The following PLCB4 variants were observed in gnomAD, a reference collection of about 807,000 sequenced individuals.
PLCB4 encodes 1-phosphatidylinositol 4,5-bisphosphate phosphodiesterase beta-4.
Under a neutral mutation model 178.8 loss-of-function variants are expected in PLCB4, and 77 were observed. The observed-to-expected ratio is 0.43, with a 90% CI of 0.36 to 0.52. The LOEUF is 0.52. Among genes scored for constraint, PLCB4 ranks in the 20% least tolerant of loss-of-function variants. PLCB4 has a pLI of 0.00. For missense variants in PLCB4, 1,024 were observed against 1,453.4 expected (o/e 0.70, Z 4.80); for synonymous variants, 496 against 490.8 (o/e 1.01, Z -0.14).
chr20:9,145,436 C>CA (rs1359548094), intron 2 of PLCB4, among the ~76,000 whole-genome samples: 1 of 151,582 alleles, frequency 6.6e-6, no homozygotes, highest in Admixed American at 6.6e-5. Flanking sequence ...GCTCTCACAT[C>CA]AAAAAAATGT....
At chr20:9,171,300 C>T (rs1219816924) in intron 2 of PLCB4, among the ~76,000 whole-genome samples, 1 of 152,138 alleles carries the variant, frequency 6.6e-6, no homozygotes, top group East Asian at 1.9e-4. Flanking sequence ...TTCAAAGGTA[C>T]ATCATTTAGT....
At chr20:9,429,982 T>G (rs1192152240) in intron 28 of PLCB4, among the ~76,000 whole-genome samples, 5 of 152,162 alleles carry the variant, frequency 3.3e-5, no homozygotes, top group Non-Finnish European at 7.3e-5. Flanking sequence ...TTGGCTTCCT[T>G]GGGCCACATT....
At chr20:9,236,635 T>C (rs2093996489) in intron 3 of PLCB4, among the ~76,000 whole-genome samples, 1 of 152,152 alleles carries the variant, frequency 6.6e-6, no homozygotes, top group Non-Finnish European at 1.5e-5. Context: ...CTGCAACAGA[T>C]CAGTGCTGGG....
intron 12 of PLCB4, among the ~76,000 whole-genome samples, chr20:9,374,221 C>T (rs573154477): frequency 3.9e-5 from 6 of 152,242 alleles, no homozygotes; most frequent in African/African-American, 1.2e-4. Flanking sequence ...GAAAATCCTA[C>T]CCCACATATC....
At chr20:9,452,054 C>T (rs1276548480) in intron 32 of PLCB4, among the ~76,000 whole-genome samples, 2 of 152,212 alleles carry the variant, frequency 1.3e-5, no homozygotes, top group East Asian at 1.9e-4. Context: ...CTGTAAGTTC[C>T]TATGTTGGGA....
At chr20:9,160,631 C>T (rs977547166) in intron 2 of PLCB4, among the ~76,000 whole-genome samples, 2 of 152,140 alleles carry the variant, frequency 1.3e-5, no homozygotes, top group Non-Finnish European at 2.9e-5. Context: ...GAGTGAGGAG[C>T]TGCTTTCTTA....
At chr20:9,072,703 G>T (rs1246456877) in intron 1 of PLCB4, among the ~76,000 whole-genome samples, 1 of 152,114 alleles carries the variant, frequency 6.6e-6, no homozygotes, top group East Asian at 1.9e-4. Context: ...GGAAGCTCAC[G>T]ACTTTGGATG....
chr20:9,329,135 T>C (rs957726571), intron 4 of PLCB4, among the ~76,000 whole-genome samples: 1 of 152,190 alleles, frequency 6.6e-6, no homozygotes, highest in African/African-American at 2.4e-5. Flanking sequence ...AAAGGGAAGA[T>C]GGAGCCTCCG....
rs1212542975 is a variant in PLCB4 at position 9,124,044 on chromosome 20, T to C, written c.-79+27702T>C. Among the ~76,000 whole-genome samples, 9 of 152,284 alleles carry C rather than the reference T, an allele frequency of 5.9e-5. No homozygotes were observed. In the East Asian group the frequency reaches 1.7e-3, roughly 30 times the overall value. ...AATTTTGAATTTCATATAATTATGA[T>C]GGGAGTTGAAATATTATTCTTCTTT... On this transcript the variant is annotated intron_variant, in intron 2 of 39. Coordinates refer to ENST00000378473, the MANE Select transcript of PLCB4 (RefSeq NM_001377142.1).
chr20:9,259,295 AC>A (rs1327585763), intron 3 of PLCB4, among the ~76,000 whole-genome samples: 1 of 152,232 alleles, frequency 6.6e-6, no homozygotes, highest in Non-Finnish European at 1.5e-5. Flanking sequence ...TCTGCAGAGA[AC>A]AATTATGTAA....
chr20:9,235,031 A>G (rs1332474833), intron 3 of PLCB4, among the ~76,000 whole-genome samples: 2 of 152,200 alleles, frequency 1.3e-5, no homozygotes, highest in South Asian at 2.1e-4. Flanking sequence ...TATTCTGGAA[A>G]GAGAATGAGG....
intron 3 of PLCB4, among the ~76,000 whole-genome samples, chr20:9,240,634 G>A (rs1462791805): frequency 6.6e-6 from 1 of 151,938 alleles, no homozygotes; most frequent in Non-Finnish European, 1.5e-5. Context: ...GTTCCCTCTG[G>A]GCATATTCTG....
chr20:9,338,638 C>T (rs970635016), intron 6 of PLCB4, among the ~76,000 whole-genome samples: 1 of 152,144 alleles, frequency 6.6e-6, no homozygotes, highest in Admixed American at 6.5e-5. Flanking sequence ...GAATGCACCA[C>T]TGTTCACCAG....
At chr20:9,154,273 A>G (rs1049724910) in intron 2 of PLCB4, among the ~76,000 whole-genome samples, 2 of 152,186 alleles carry the variant, frequency 1.3e-5, no homozygotes, top group African/African-American at 4.8e-5. Flanking sequence ...ATTTGGTCAC[A>G]TGGTCACATC....
intron 2 of PLCB4, chr20:9,166,667 A>G (rs992944484): frequency 6.6e-6 from 1 of 152,234 alleles, no homozygotes; most frequent in Non-Finnish European, 1.5e-5. Context: ...TGACTGAGTG[A>G]GGTTGAAATC....
chr20:9,362,024 A>G (rs994210263), intron 7 of PLCB4, among the ~76,000 whole-genome samples: 6 of 152,324 alleles, frequency 3.9e-5, no homozygotes, highest in African/African-American at 1.4e-4. Flanking sequence ...CTTCCTCAGC[A>G]CTAAGCCGCA....
intron 2 of PLCB4, among the ~76,000 whole-genome samples, chr20:9,199,276 G>A (rs966503978): frequency 1.3e-5 from 2 of 152,062 alleles, no homozygotes; most frequent in African/African-American, 4.8e-5. Context: ...GGTTTGCCTT[G>A]GGAAAGAAGG....
intron 2 of PLCB4, among the ~76,000 whole-genome samples, chr20:9,137,263 T>C (rs984498757): frequency 1.3e-5 from 2 of 152,102 alleles, no homozygotes; most frequent in African/African-American, 4.8e-5. Context: ...GCTGGGACCC[T>C]GACCGAGGTA....
intron 7 of PLCB4, among the ~76,000 whole-genome samples, chr20:9,349,062 AAAAAG>A (rs940440036): frequency 4.6e-5 from 7 of 152,192 alleles, no homozygotes; most frequent in South Asian, 2.1e-4. Flanking sequence ...GTAAAAAAAA[AAAAAG>A]AAAAGAAAAG....
Sources: allele counts gnomAD v4.1 joint callset (sites outside exome capture counted in the v4.1 genomes callset), GRCh38; gene constraint gnomAD v4.1.1; transcripts MANE v1.5; gene names NCBI Gene and HGNC (gene_info 2026-07-23, HGNC 2026-07-21).